ANKRD36: variants seen among roughly 807,000 people sequenced by gnomAD.
The protein encoded by ANKRD36 is ankyrin repeat domain-containing protein 36A.
Under a neutral mutation model 278.1 loss-of-function variants are expected in ANKRD36, and 179 were observed. That is an observed-to-expected ratio of 0.64 (90% CI 0.57 to 0.73). The LOEUF is 0.73. ANKRD36 is among the 30% of genes least tolerant of loss of function. ANKRD36 has a pLI of 0.00. For missense variants in ANKRD36, 1,159 were observed against 1,956.7 expected (o/e 0.59, Z 7.69); for synonymous variants, 320 against 641.1 (o/e 0.50, Z 7.57).
At chr2:97,176,427 T>A (rs1342821035) in intron 22 of ANKRD36, among the ~76,000 whole-genome samples, 1 of 124,770 alleles carries the variant, frequency 8.0e-6, no homozygotes, top group African/African-American at 2.5e-5. Context: ...GTCTGTTTTA[T>A]CAGAGACTAG....
chr2:97,173,381 A>G (rs2053217672), intron 22 of ANKRD36, among the ~76,000 whole-genome samples: 1 of 151,716 alleles, frequency 6.6e-6, no homozygotes, highest in African/African-American at 2.4e-5. Context: ...AAAATGAGAG[A>G]TGATAGATAC....
intron 4 of ANKRD36, among the ~76,000 whole-genome samples, chr2:97,124,038 T>C (rs2037833543): frequency 1.3e-5 from 2 of 150,664 alleles, no homozygotes; most frequent in Admixed American, 1.3e-4. Context: ...TGACTACTAC[T>C]ATTAGCATTC....
At position 97,113,200 on chromosome 2, in the gene ANKRD36, A is replaced by C. The variant is rs2153392297; in HGVS notation, c.-540A>C. On this transcript the variant is annotated 5_prime_UTR_variant, in exon 1 of 76. Coordinates refer to ENST00000420699, the MANE Select transcript of ANKRD36 (RefSeq NM_001354587.1). ...CGCCTACAAGTGGTGCGCTGGCTGC[A>C]GCTGTGGCAACCCCGGATCCCGTCC... 6.6e-6 allele frequency among the ~76,000 whole-genome samples: 1 copy of C among 151,994 alleles called. No homozygotes were observed. The highest frequency in any genetic ancestry group is 2.1e-4 in the South Asian group (1 of 4,792).
In ANKRD36 at chr2:97,192,910, G is replaced by T. The variant is rs545132672; in HGVS notation, c.2376+24G>T. The T allele has an allele frequency of 1.2e-5, 20 of 1,602,734 alleles. 1 individual carries two copies. Among genetic ancestry groups the T allele is most frequent in the East Asian group, 9.0e-5 (4 of 44,380 alleles). On this transcript the variant is annotated intron_variant, in intron 37 of 75. Transcript: ENST00000420699. ...CGGTAATGAAACACTCATTTATATT[G>T]TGAATGAGTTAAGGTATGGTCTATG...
chr2:97,211,347 G>C (rs1261557010), intron 56 of ANKRD36, among the ~76,000 whole-genome samples, 199 bp from the exon 57 acceptor site: 5 of 151,884 alleles, frequency 3.3e-5, no homozygotes, highest in Non-Finnish European at 5.9e-5. Context: ...GAAATTGTAA[G>C]GATATATTTC....
chr2:97,164,405 G>A lies in ANKRD36; in HGVS notation c.1467G>A (p.Val489=), dbSNP rs1183320328. Residue 489 remains valine (V), a synonymous_variant, in exon 20 of 76, where the codon GTG becomes GTA. Coordinates refer to ENST00000420699, the MANE Select transcript of ANKRD36 (RefSeq NM_001354587.1). The stretch of plus-strand genomic sequence containing the variant: ...TTGTCAAACCCATTCAGCATACGGT[G>A]AAAGACAGAGATCACATTTCAACTA... The part of the protein sequence containing the change: ...PEQPPLFTHT[V]KDRDHISTRF... The A allele has an allele frequency of 3.3e-6, 5 of 1,537,626 alleles. No homozygotes were observed. Among genetic ancestry groups the A allele is most frequent in the African/African-American group, 1.4e-5 (1 of 73,164 alleles).
rs748961144 is a variant in ANKRD36 at position 97,191,116 on chromosome 2, C to G, written c.2282C>G (p.Thr761Ser). Residue 761 changes from threonine to serine, a missense_variant, in exon 36 of 76, where the codon ACT becomes AGT. Physicochemically the swap from Thr to Ser is moderately conservative, Grantham distance 58. Coordinates refer to ENST00000420699, the MANE Select transcript of ANKRD36 (RefSeq NM_001354587.1). ...SQKQPALKAT[T>S]DEKDSVSNIA... ...CTTTCAAATTCCATTCAGGCTACAA[C>G]TGATGAGAAAGATTCTGTTTCGAAC... is the stretch of plus-strand genomic sequence containing the variant. 6 of 1,597,600 alleles carry G rather than the reference C, an allele frequency of 3.8e-6. No individual in the cohort carries two copies. The African/African-American group carries it at 5.4e-5, about 14-fold the overall frequency.
At position 97,113,709 on chromosome 2, in the gene ANKRD36, G is replaced by A. The variant is rs775258747; in HGVS notation, c.-31G>A. On this transcript the variant is annotated 5_prime_UTR_variant, in exon 1 of 76. Transcript: ENST00000420699. ...GATCCCCGAAGGCGAGCTGAAATAC[G>A]GCTGCAGGCTACAATTTGCAGCCGA... 6.8e-6 allele frequency: 11 copies of A among 1,610,936 alleles called. No homozygotes were observed. The South Asian group carries it at 1.2e-4, about 18-fold the overall frequency.
At chr2:97,260,347 GATATATATAT>G (rs71218080) in intron 75 of ANKRD36, among the ~76,000 whole-genome samples, 1,772 of 117,552 alleles carry the variant, frequency 0.015, 82 homozygotes, top group African/African-American at 0.052. Context: ...TATTTTAAAA[GATATATATAT>G]ATATATATAT....
At chr2:97,135,385 A>G (rs1248528055) in intron 6 of ANKRD36, among the ~76,000 whole-genome samples, 1 of 151,972 alleles carries the variant, frequency 6.6e-6, no homozygotes. Context: ...GCACAATAAG[A>G]GATTAATAAT....
rs1187166942 is a variant in ANKRD36, at chr2:97,124,578, A to G, written c.712A>G (p.Ile238Val). 3 of 1,552,084 alleles carry G rather than the reference A, an allele frequency of 1.9e-6. No individual in the cohort carries two copies. The highest frequency in any genetic ancestry group is 1.4e-5 in the African/African-American group (1 of 73,208). The change falls in exon 5 of 76, where the codon ATT becomes GTT. Residue 238 changes from isoleucine to valine, a missense_variant. Physicochemically the swap from Ile to Val is conservative, Grantham distance 29 (BLOSUM62 3). Coordinates refer to ENST00000420699, the MANE Select transcript of ANKRD36 (RefSeq NM_001354587.1). ...TCGAAAGATTGCAGGAGATTATGCC[A>G]TTGAGGCTAAGAATAGAGTGTAAGT... is the stretch of plus-strand genomic sequence containing the variant. ...AFRKIAGDYAIEAKNRVIFDL... is the reference protein window; with the variant it reads ...AFRKIAGDYAVEAKNRVIFDL...
chr2:97,226,950 A>G (rs1364781745), intron 67 of ANKRD36, among the ~76,000 whole-genome samples: 2 of 151,956 alleles, frequency 1.3e-5, no homozygotes, highest in African/African-American at 2.4e-5. Context: ...ATGCGGCGTT[A>G]TTTCTGATGG....
intron 22 of ANKRD36, among the ~76,000 whole-genome samples, chr2:97,174,793 A>G (rs1486089213): frequency 6.6e-6 from 1 of 151,936 alleles, no homozygotes; most frequent in African/African-American, 2.4e-5. Flanking sequence ...ATTTTGAAAT[A>G]TGTCCCATCA....
At position 97,164,411 on chromosome 2, in the gene ANKRD36, C is replaced by CA; in HGVS notation, c.1474dup (p.Arg492LysfsTer7). Reference sequence around the variant, plus strand: ...AACCCATTCAGCATACGGTGAAAGACAGAGATCACATTTCAACTAGATTCT... The same window carrying CA: ...AACCCATTCAGCATACGGTGAAAGACAAGAGATCACATTTCAACTAGATTCT... On this transcript the variant is annotated frameshift_variant, in exon 20 of 76. Coordinates refer to ENST00000420699, the MANE Select transcript of ANKRD36 (RefSeq NM_001354587.1). LOFTEE classifies it high-confidence loss of function. The CA allele has an allele frequency of 6.5e-6, 10 of 1,537,604 alleles. No individual in the cohort carries two copies. Among genetic ancestry groups the CA allele is most frequent in the Non-Finnish European group, 7.8e-6 (9 of 1,146,868 alleles).
chr2:97,189,511 G>A lies in ANKRD36; in HGVS notation c.2245+221G>A, dbSNP rs199955764. Among the ~76,000 whole-genome samples, 2 of 88,190 alleles carry A rather than the reference G, an allele frequency of 2.3e-5. 1 individual carries two copies. The highest frequency in any genetic ancestry group is 7.9e-5 in the Non-Finnish European group (2 of 25,168). The allele number at this position is 88,190 out of a possible 152,430, so 57.9% of individuals were successfully genotyped here. A position where few individuals can be genotyped will look rare whatever the true frequency, so the allele number is the denominator to read the frequency against. On this transcript the variant is annotated intron_variant, in intron 34 of 75. Transcript: ENST00000420699. ...GTAAGATTATACACTTCCCCACATT[G>A]AAATTGGGAAGAAGATACATGGAGA... is the stretch of plus-strand genomic sequence containing the variant.
intron 60 of ANKRD36, among the ~76,000 whole-genome samples, chr2:97,214,352 A>G (rs1188224051): frequency 8.7e-6 from 1 of 115,068 alleles, no homozygotes; most frequent in Non-Finnish European, 1.8e-5. Flanking sequence ...AAACTTGAAT[A>G]TGAATACATT....
intron 67 of ANKRD36, among the ~76,000 whole-genome samples, chr2:97,227,290 CTT>C (rs1342067807): frequency 1.4e-4 from 22 of 152,124 alleles, no homozygotes; most frequent in Admixed American, 1.3e-4. Context: ...TTTGTATCCT[CTT>C]TTATTTCCTT....
At chr2:97,260,407 C>T (rs1392968704) in intron 75 of ANKRD36, among the ~76,000 whole-genome samples, 4 of 130,452 alleles carry the variant, frequency 3.1e-5, no homozygotes, top group Non-Finnish European at 6.2e-5. Context: ...CACACACATA[C>T]ACATATACAC....
chr2:97,183,437 AT>A (rs1245932106), intron 26 of ANKRD36, 21 bp from the exon 27 acceptor site: 3 of 1,547,704 alleles, frequency 1.9e-6, no homozygotes, highest in African/African-American at 2.8e-5. Context: ...ATGATGGATT[AT>A]ATATTTCTTT....
Sources: allele counts gnomAD v4.1 joint callset (sites outside exome capture counted in the v4.1 genomes callset), GRCh38; gene constraint gnomAD v4.1.1; transcripts MANE v1.5; gene names NCBI Gene and HGNC (gene_info 2026-07-23, HGNC 2026-07-21).